Variants in KRABD3 observed in about 807,000 individuals in gnomAD.
KRABD3 encodes the protein KRAB domain-containing protein 3.
the KRABD3 span, chr7:149,721,410 G>C: frequency 3.7e-6 from 6 of 1,610,210 alleles, no homozygotes; most frequent in Non-Finnish European, 5.1e-6. Context: ...TGCCCTCTCC[G>C]AGGCCTGCTC....
At chr7:149,723,775 C>CTGCT in the KRABD3 span, 1 of 1,614,002 alleles carries the variant, frequency 6.2e-7, no homozygotes, top group Admixed American at 1.7e-5. Flanking sequence ...CCTCCAGGGT[C>CTGCT]TGCTACACTG....
At chr7:149,730,344 G>A in the KRABD3 span, 1 of 1,544,454 alleles carries the variant, frequency 6.5e-7, no homozygotes, top group Non-Finnish European at 8.8e-7. Flanking sequence ...CCCCCAGGGT[G>A]AGCCTGTGCG....
the KRABD3 span, chr7:149,733,212 C>A: frequency 6.2e-7 from 1 of 1,602,060 alleles, no homozygotes; most frequent in Non-Finnish European, 8.5e-7. Flanking sequence ...TTAGCCAAGA[C>A]CCATGAGAGG....
chr7:149,722,253 C>T, the KRABD3 span: 3 of 379,376 alleles, frequency 7.9e-6, no homozygotes, highest in Non-Finnish European at 1.1e-5. Flanking sequence ...AACCAACAGT[C>T]TTGCTGTTTC....
At chr7:149,719,288 T>TAA in the KRABD3 span, 43 of 367,066 alleles carry the variant, frequency 1.2e-4, no homozygotes, top group African/African-American at 8.1e-4. The surrounding 1 kb of genome is among the most constrained non-coding windows in gnomAD (Gnocchi z 5.6). Flanking sequence ...GACCTCATCT[T>TAA]AAGTAATTCC....
At chr7:149,719,597 C>G in the KRABD3 span, 1 of 1,604,314 alleles carries the variant, frequency 6.2e-7, no homozygotes, top group South Asian at 1.1e-5. The surrounding 1 kb of genome is among the most constrained non-coding windows in gnomAD (Gnocchi z 5.6). Flanking sequence ...GGAGGAGTGG[C>G]GGCTCCTGGA....
the KRABD3 span, chr7:149,715,238 G>T: frequency 8.2e-7 from 1 of 1,217,302 alleles, no homozygotes; most frequent in Non-Finnish European, 1.0e-6. Context: ...CCTCTCTCCA[G>T]CTCTCCGCCG....
At chr7:149,731,540 C>A in the KRABD3 span, 1 of 775,262 alleles carries the variant, frequency 1.3e-6, no homozygotes, top group Non-Finnish European at 2.1e-6. Flanking sequence ...CCTCATGGGC[C>A]AAGTTTCCGT....
the KRABD3 span, chr7:149,721,594 G>C: frequency 7.7e-6 from 12 of 1,562,606 alleles, no homozygotes; most frequent in Admixed American, 1.5e-4. Flanking sequence ...TGATCGTGGC[G>C]TCAGAGGACC....
chr7:149,725,599 G>A, the KRABD3 span: 5 of 1,167,428 alleles, frequency 4.3e-6, no homozygotes, highest in Middle Eastern at 2.3e-4. Flanking sequence ...ACACAGGCCC[G>A]TTCCCCCAGG....
At chr7:149,721,656 C>G in the KRABD3 span, 1 of 1,145,442 alleles carries the variant, frequency 8.7e-7, no homozygotes. Flanking sequence ...CCCTGTTGTG[C>G]TGTTCTTTTG....
At chr7:149,730,681 C>T in the KRABD3 span, 1 of 1,321,864 alleles carries the variant, frequency 7.6e-7, no homozygotes, top group Non-Finnish European at 1.0e-6. Context: ...CCAGGGAGTC[C>T]TGCACATTGG....
At chr7:149,729,883 C>G in the KRABD3 span, 1 of 985,448 alleles carries the variant, frequency 1.0e-6, no homozygotes. Flanking sequence ...TGGCTAGAAC[C>G]TGACTGCTAA....
the KRABD3 span, chr7:149,720,990 G>A: frequency 6.2e-7 from 1 of 1,613,346 alleles, no homozygotes; most frequent in Non-Finnish European, 8.5e-7. Context: ...GAGCCCCGAG[G>A]GTAAGTCAGA....
At chr7:149,718,906 G>A in the KRABD3 span, among the ~76,000 whole-genome samples, 2 of 152,254 alleles carry the variant, frequency 1.3e-5, no homozygotes, top group African/African-American at 4.8e-5. Flanking sequence ...GAGAATAGGA[G>A]ATAGGAGTAC....
the KRABD3 span, chr7:149,719,384 C>T: frequency 3.2e-5 from 21 of 651,022 alleles, no homozygotes; most frequent in African/African-American, 3.0e-4. This position sits in a 1 kb window ranked among gnomAD's most constrained non-coding sequence, Gnocchi z 5.6. Flanking sequence ...AGACACAGCT[C>T]ACCCCCAGCA....
At chr7:149,723,646 C>T in the KRABD3 span, 43 of 1,350,396 alleles carry the variant, frequency 3.2e-5, no homozygotes, top group African/African-American at 7.3e-5. Flanking sequence ...GTTGGCCCCA[C>T]GCCCTTCTAA....
the KRABD3 span, chr7:149,733,527 C>T: frequency 2.5e-6 from 4 of 1,595,518 alleles, no homozygotes; most frequent in Non-Finnish European, 3.4e-6. Context: ...TGGACCCTCC[C>T]ACGGGGACCT....
chr7:149,731,634 C>A, the KRABD3 span: 1 of 1,493,516 alleles, frequency 6.7e-7, no homozygotes, highest in Admixed American at 1.8e-5. Flanking sequence ...GCCAAACGAT[C>A]GTCTCCCTGC....
Sources: allele counts gnomAD v4.1 joint callset (sites outside exome capture counted in the v4.1 genomes callset), GRCh38; gene constraint gnomAD v4.1.1; non-coding constraint Gnocchi (gnomAD v3.1); transcripts MANE v1.5; gene names NCBI Gene and HGNC (gene_info 2026-07-23, HGNC 2026-07-21).